The following ADD1 variants were observed in gnomAD, a reference collection of about 807,000 sequenced individuals.
The protein encoded by ADD1 is adducin 1.
ADD1 carries 24 observed loss-of-function variants against 80.5 expected under a neutral mutation model. The ratio of observed to expected loss-of-function variants is 0.30; its 90% CI spans 0.22 to 0.42. The LOEUF (loss-of-function observed/expected upper bound fraction) is 0.42. Among genes scored for constraint, ADD1 ranks in the 10% least tolerant of loss-of-function variants. ADD1 has a pLI of 1.00. For missense variants in ADD1, 948 were observed against 1,019.0 expected (o/e 0.93, Z 0.95); for synonymous variants, 373 against 393.8 (o/e 0.95, Z 0.63).
intron 1 of ADD1, among the ~76,000 whole-genome samples, chr4:2,868,891 T>TG (rs1729977584): frequency 1.3e-5 from 2 of 152,010 alleles, no homozygotes; most frequent in Non-Finnish European, 2.9e-5. Flanking sequence ...TGAGAATGAG[T>TG]GGGGGCTGAA....
chr4:2,907,639 G>T (rs1737282703), intron 10 of ADD1, 104 bp from the exon 11 acceptor site: 2 of 967,614 alleles, frequency 2.1e-6, no homozygotes, highest in Non-Finnish European at 3.3e-6. Context: ...TCCTCTCTGT[G>T]ATGTTCAGTG....
At chr4:2,906,526 G>A (rs1183075029) in intron 10 of ADD1, among the ~76,000 whole-genome samples, 1 of 152,198 alleles carries the variant, frequency 6.6e-6, no homozygotes, top group Non-Finnish European at 1.5e-5. Context: ...AAACAACTAA[G>A]TCACTTTAGG....
chr4:2,907,871 G>A (rs771494242), intron 11 of ADD1, 27 bp downstream of exon 11: 1 of 1,590,370 alleles, frequency 6.3e-7, no homozygotes, highest in Non-Finnish European at 8.6e-7. Context: ...CACTCAGCGG[G>A]GGCTTGGGTG....
rs568973070 is a variant in ADD1, at chr4:2,850,661, A to G, written c.-21+6637A>G. On this transcript the variant is annotated intron_variant, in intron 1 of 15. Transcript: ENST00000683351. The stretch of plus-strand genomic sequence containing the variant: ...AGGATGGTCTCAATCTCCTGACCTC[A>G]TGATCCGCCCGCCTCGGCCTCCCAA... 4.6e-5 allele frequency among the ~76,000 whole-genome samples: 7 copies of G among 152,132 alleles called. No homozygotes were observed. In the East Asian group the frequency reaches 1.4e-3, roughly 29 times the overall value.
chr4:2,916,437 G>T (rs891331016), intron 14 of ADD1, among the ~76,000 whole-genome samples: 1 of 151,910 alleles, frequency 6.6e-6, no homozygotes, highest in Non-Finnish European at 1.5e-5. Context: ...CTCGTGATCC[G>T]CCCGCCTTGG....
chr4:2,862,764 A>G (rs1301261089), intron 1 of ADD1, among the ~76,000 whole-genome samples: 1 of 152,144 alleles, frequency 6.6e-6, no homozygotes, highest in Admixed American at 6.5e-5. Context: ...CTTATTTATC[A>G]TGTTTATTGC....
At chr4:2,871,409 T>C (rs1730435111) in intron 1 of ADD1, among the ~76,000 whole-genome samples, 1 of 152,232 alleles carries the variant, frequency 6.6e-6, no homozygotes, top group African/African-American at 2.4e-5. Context: ...AGATAGTTGG[T>C]GTAAGTGTCT....
Position 2,898,551 on chromosome 4 carries a change from G to T in ADD1, c.984+20G>T. On this transcript the variant is annotated intron_variant, in intron 8 of 15. Coordinates refer to ENST00000683351, the MANE Select transcript of ADD1 (RefSeq NM_001354761.2). ...ATCCAGGTAGGGGACAGCCATTCCA[G>T]TCACTCTGCAGTTTATTTAGATGTG... 6.2e-7 allele frequency: 1 copy of T among 1,600,334 alleles called. No homozygotes were observed.
chr4:2,860,097 G>T (rs1169969815), intron 1 of ADD1, among the ~76,000 whole-genome samples: 1 of 151,954 alleles, frequency 6.6e-6, no homozygotes, highest in East Asian at 1.9e-4. Flanking sequence ...GAGTCTTCCT[G>T]CAGTCTTTAT....
At chr4:2,852,143 T>TTTCTTTCC (rs1488898878) in intron 1 of ADD1, among the ~76,000 whole-genome samples, 2 of 68,382 alleles carry the variant, frequency 2.9e-5, no homozygotes, top group Non-Finnish European at 5.7e-5. Context: ...GCCTCTTTTC[T>TTTCTTTCC]TTCTTTCTTT....
At chr4:2,886,873 G>T (rs1308768496) in intron 4 of ADD1, among the ~76,000 whole-genome samples, 2 of 152,196 alleles carry the variant, frequency 1.3e-5, no homozygotes, top group Non-Finnish European at 2.9e-5. Context: ...TTAGTGCTAA[G>T]TGGTTGCCTG....
Position 2,926,174 on chromosome 4 carries a change from C to T in ADD1, c.2047+62C>T, listed in dbSNP as rs377066261. ...GGTGCACGGCTCGTGCGCGCTGTGG[C>T]GGAATGTGGCGGGAGTCGTGTTAAC... On this transcript the variant is annotated intron_variant, in intron 15 of 15. Coordinates refer to ENST00000683351, the MANE Select transcript of ADD1 (RefSeq NM_001354761.2). This position sits in a 1 kb window ranked among gnomAD's most constrained non-coding sequence, Gnocchi z 5.0. 2.3e-5 allele frequency: 33 copies of T among 1,419,860 alleles called. No individual in the cohort carries two copies. Among genetic ancestry groups the T allele is most frequent in the African/African-American group, 4.2e-5 (3 of 71,126 alleles). The allele number at this position is 1,419,860 out of a possible 1,614,324, so 88.0% of individuals were successfully genotyped here. A position where few individuals can be genotyped will look rare whatever the true frequency, so the allele number is the denominator to read the frequency against.
chr4:2,917,992 T>C (rs1157655153), intron 14 of ADD1, among the ~76,000 whole-genome samples: 2 of 152,186 alleles, frequency 1.3e-5, no homozygotes, highest in Non-Finnish European at 2.9e-5. Context: ...CTTAGGATTG[T>C]CTTGGCCATA....
intron 1 of ADD1, among the ~76,000 whole-genome samples, chr4:2,852,306 CTTTTT>C (rs1171852927): frequency 8.3e-5 from 5 of 60,376 alleles, no homozygotes; most frequent in Non-Finnish European, 1.2e-4. Flanking sequence ...CTTTTCTTTT[CTTTTT>C]TTTCTTTTCT....
chr4:2,886,102 C>G (rs1314852569), intron 4 of ADD1, among the ~76,000 whole-genome samples: 1 of 152,110 alleles, frequency 6.6e-6, no homozygotes, highest in African/African-American at 2.4e-5. Context: ...CTTTTTGTAT[C>G]AAGTGTACCT....
Position 2,864,476 on chromosome 4 carries a change from CA to C in ADD1, c.-20-11417del, listed in dbSNP as rs1488794372. ...ATATTGTAAAATATAAAACTTTAAA[CA>C]AATGTTTTGTATCATTATGCTGCTG... On this transcript the variant is annotated intron_variant, in intron 1 of 15. Coordinates refer to ENST00000683351, the MANE Select transcript of ADD1 (RefSeq NM_001354761.2). Among the ~76,000 whole-genome samples the C allele has an allele frequency of 2.6e-5, 4 of 152,270 alleles. No individual in the cohort carries two copies. The South Asian group carries it at 6.2e-4, about 24-fold the overall frequency.
intron 1 of ADD1, among the ~76,000 whole-genome samples, chr4:2,874,322 A>G (rs930554081): frequency 2.0e-5 from 3 of 152,208 alleles, no homozygotes; most frequent in Non-Finnish European, 4.4e-5. Flanking sequence ...TTCTCGAAGT[A>G]GTGGCTGGGG....
chr4:2,926,676 G>GT lies in ADD1; in HGVS notation c.2047+565dup. The stretch of plus-strand genomic sequence containing the variant: ...GCGCTAGAGAGTACCTGTTACCCTA[G>GT]TAAGTACCGTGCTGCCTCCGCTCTC... On this transcript the variant is annotated intron_variant, in intron 15 of 15. Coordinates refer to ENST00000683351, the MANE Select transcript of ADD1 (RefSeq NM_001354761.2). The surrounding 1 kb of genome is among the most constrained non-coding windows in gnomAD (Gnocchi z 5.0). The GT allele has an allele frequency of 6.2e-7, 1 of 1,613,868 alleles. No homozygotes were observed.
chr4:2,874,735 G>T (rs1447011732), intron 1 of ADD1, among the ~76,000 whole-genome samples: 1 of 151,564 alleles, frequency 6.6e-6, no homozygotes, highest in Non-Finnish European at 1.5e-5. Context: ...TGATTCTTTG[G>T]TTATTGGTTC....
Sources: gnomAD v4.1 joint callset for allele counts (sites outside exome capture counted in the v4.1 genomes callset) on GRCh38, gnomAD v4.1.1 for gene constraint, Gnocchi (gnomAD v3.1) non-coding constraint, MANE v1.5 for transcripts, NCBI Gene and HGNC (gene_info 2026-07-23, HGNC 2026-07-21) for gene names.